The following AGBL4 variants were observed in gnomAD, a reference collection of about 807,000 sequenced individuals.
AGBL4 encodes AGBL carboxypeptidase 4.
A neutral mutation model predicts 66.4 loss-of-function variants in AGBL4; 58 were observed. The ratio of observed to expected loss-of-function variants is 0.87; its 90% CI spans 0.71 to 1.09. The LOEUF (loss-of-function observed/expected upper bound fraction) is 1.09, where lower values mean the gene tolerates loss of function less well. AGBL4 is among the 50% of genes least tolerant of loss of function. The pLI, the probability that AGBL4 is intolerant of heterozygous loss-of-function variation, is 0.00. For missense variants in AGBL4, 579 were observed against 631.0 expected (o/e 0.92, Z 0.88); for synonymous variants, 234 against 222.9 (o/e 1.05, Z -0.44).
intron 1 of AGBL4, among the ~76,000 whole-genome samples, chr1:49,889,385 C>CT (rs1326639336): frequency 2.0e-5 from 3 of 152,224 alleles, no homozygotes; most frequent in Non-Finnish European, 2.9e-5. Flanking sequence ...TAAAATAATA[C>CT]TTTTTTTCTT....
rs1031604521 is a variant in AGBL4 at position 49,737,996 on chromosome 1, G to A, written c.158-40559C>T. ...TGCAGGACAGTGGGTGCAGTGCACC[G>A]AGCGTGAGCATTTCCAACTGAGGTA... is the stretch of plus-strand genomic sequence containing the variant. On this transcript the variant is annotated intron_variant, in intron 2 of 13. Coordinates refer to ENST00000371839, the MANE Select transcript of AGBL4 (RefSeq NM_032785.4). Among the ~76,000 whole-genome samples the A allele has an allele frequency of 4.0e-5, 6 of 151,814 alleles. No individual in the cohort carries two copies. The East Asian group carries it at 5.8e-4, about 15-fold the overall frequency.
At chr1:49,071,751 A>G (rs1358829401) in intron 4 of AGBL4, among the ~76,000 whole-genome samples, 5 of 151,820 alleles carry the variant, frequency 3.3e-5, no homozygotes, top group Non-Finnish European at 1.5e-5. Flanking sequence ...CTGTAGATGT[A>G]TATTAGGTCC....
intron 4 of AGBL4, among the ~76,000 whole-genome samples, chr1:49,128,796 A>T (rs1645820463): frequency 6.6e-6 from 1 of 152,076 alleles, no homozygotes; most frequent in Non-Finnish European, 1.5e-5. Flanking sequence ...ATTTTTGACC[A>T]AAGGTTTGGC....
chr1:49,122,155 C>T (rs886632670), intron 4 of AGBL4, among the ~76,000 whole-genome samples: 2 of 152,252 alleles, frequency 1.3e-5, no homozygotes, highest in Non-Finnish European at 2.9e-5. Context: ...CCCTCAACCC[C>T]TTGCACTTCC....
In AGBL4 at chr1:48,846,421, G is replaced by GAAAGAAAT. The variant is rs796582660; in HGVS notation, c.634+20769_634+20770insATTTCTTT. Among the ~76,000 whole-genome samples, 1,141 of 144,672 alleles carry GAAAGAAAT rather than the reference G, an allele frequency of 7.9e-3. 14 individuals carry two copies. Among genetic ancestry groups the GAAAGAAAT allele is most frequent in the Middle Eastern group, 0.022 (6 of 276 alleles). The allele number at this position is 144,672 out of a possible 152,430, so 94.9% of individuals were successfully genotyped here. A position where few individuals can be genotyped will look rare whatever the true frequency, so the allele number is the denominator to read the frequency against. On this transcript the variant is annotated intron_variant, in intron 6 of 13. Coordinates refer to ENST00000371839, the MANE Select transcript of AGBL4 (RefSeq NM_032785.4). Reference sequence around the variant, plus strand: ...AGAAAGAAAGAAAGAAAGAAAGAAAGAAATTCATTTATAGTAGGCAAAATA... The same window carrying GAAAGAAAT: ...AGAAAGAAAGAAAGAAAGAAAGAAAGAAAGAAATAAATTCATTTATAGTAGGCAAAATA...
chr1:49,351,525 A>C (rs1245512881), intron 3 of AGBL4, among the ~76,000 whole-genome samples: 1 of 152,028 alleles, frequency 6.6e-6, no homozygotes, highest in Non-Finnish European at 1.5e-5. Context: ...GACTATTCTA[A>C]AGCTTATTCA....
At chr1:49,502,341 C>A (rs1442740800) in intron 3 of AGBL4, among the ~76,000 whole-genome samples, 1 of 152,120 alleles carries the variant, frequency 6.6e-6, no homozygotes, top group Non-Finnish European at 1.5e-5. Context: ...CCTTAATAAA[C>A]TCCTCTTCAT....
At chr1:49,737,292 T>A (rs922568829) in intron 2 of AGBL4, among the ~76,000 whole-genome samples, 3 of 152,110 alleles carry the variant, frequency 2.0e-5, no homozygotes, top group Non-Finnish European at 4.4e-5. Context: ...CAGATGCCCA[T>A]CAATGCTAGA....
chr1:49,878,089 G>C (rs2148131829), intron 1 of AGBL4, among the ~76,000 whole-genome samples: 1 of 150,052 alleles, frequency 6.7e-6, no homozygotes, highest in African/African-American at 2.5e-5. Flanking sequence ...TATCAATTTT[G>C]TTGATCCTTT....
intron 3 of AGBL4, among the ~76,000 whole-genome samples, chr1:49,500,710 G>T (rs1193735627): frequency 1.3e-5 from 2 of 151,872 alleles, no homozygotes; most frequent in Non-Finnish European, 2.9e-5. Flanking sequence ...TTATTTCTGG[G>T]TTCTCTATTC....
chr1:49,738,167 C>T (rs191735709), intron 2 of AGBL4, among the ~76,000 whole-genome samples: 11 of 152,326 alleles, frequency 7.2e-5, no homozygotes, highest in East Asian at 3.9e-4. Flanking sequence ...CCAAGGACAG[C>T]GGTGACTGAA....
intron 1 of AGBL4, among the ~76,000 whole-genome samples, chr1:49,861,283 A>G (rs1646565169): frequency 6.6e-6 from 1 of 152,148 alleles, no homozygotes; most frequent in Non-Finnish European, 1.5e-5. Flanking sequence ...TGAGATACTG[A>G]GATATCAGCT....
chr1:49,942,972 A>AAATTTT (rs1471427428), intron 1 of AGBL4, among the ~76,000 whole-genome samples: 3 of 152,228 alleles, frequency 2.0e-5, no homozygotes, highest in African/African-American at 7.2e-5. Context: ...ATCAATAAAT[A>AAATTTT]GAAATAACCA....
intron 4 of AGBL4, among the ~76,000 whole-genome samples, chr1:49,149,174 A>G (rs1284905676): frequency 6.6e-6 from 1 of 152,200 alleles, no homozygotes; most frequent in Non-Finnish European, 1.5e-5. Context: ...CTCTTCTGCT[A>G]AGTAGTTACC....
At chr1:49,495,056 G>C (rs1371708423) in intron 3 of AGBL4, among the ~76,000 whole-genome samples, 1 of 151,956 alleles carries the variant, frequency 6.6e-6, no homozygotes, top group Non-Finnish European at 1.5e-5. Context: ...GAGTTCTATT[G>C]TCTCCTCAAT....
chr1:49,538,365 T>C (rs1651762769), intron 3 of AGBL4, among the ~76,000 whole-genome samples: 1 of 152,196 alleles, frequency 6.6e-6, no homozygotes, highest in Non-Finnish European at 1.5e-5. Flanking sequence ...AAATAATGCA[T>C]ACACATAACA....
At chr1:49,607,039 A>C (rs1645074392) in intron 3 of AGBL4, among the ~76,000 whole-genome samples, 1 of 152,118 alleles carries the variant, frequency 6.6e-6, no homozygotes, top group Admixed American at 6.6e-5. Flanking sequence ...CCATACTTCA[A>C]AATTCAGTTC....
At chr1:48,650,539 C>T (rs930739099) in intron 8 of AGBL4, among the ~76,000 whole-genome samples, 6 of 151,992 alleles carry the variant, frequency 3.9e-5, no homozygotes, top group African/African-American at 1.4e-4. Flanking sequence ...CCTCCCCCAC[C>T]GCCACCTTTT....
At chr1:49,351,676 A>C (rs1418807936) in intron 3 of AGBL4, among the ~76,000 whole-genome samples, 1 of 152,016 alleles carries the variant, frequency 6.6e-6, no homozygotes, top group East Asian at 1.9e-4. Flanking sequence ...ATTTTTTGTT[A>C]CTCTCTATAA....
Sources: gnomAD v4.1 joint callset for allele counts (sites outside exome capture counted in the v4.1 genomes callset) on GRCh38, gnomAD v4.1.1 for gene constraint, MANE v1.5 for transcripts, NCBI Gene and HGNC (gene_info 2026-07-23, HGNC 2026-07-21) for gene names.